Variants in NISCH observed in about 807,000 individuals in gnomAD.
NISCH encodes I-1 receptor candidate protein.
Under a neutral mutation model 138.4 loss-of-function variants are expected in NISCH, and 55 were observed. That is an observed-to-expected ratio of 0.40 (90% CI 0.32 to 0.50). NISCH has a LOEUF of 0.50. Ranked by LOEUF, NISCH falls within the 20% of genes least tolerant of loss-of-function variation. NISCH has a pLI of 0.71. For missense variants in NISCH, 1,643 were observed against 2,005.5 expected (o/e 0.82, Z 3.45); for synonymous variants, 860 against 861.5 (o/e 1.00, Z 0.03).
rs1399642265 is a variant in NISCH, at chr3:52,490,213, T to G, written c.3595T>G (p.Phe1199Val). The change falls in exon 18 of 21, where the codon TTC becomes GTC. Residue 1199 changes from phenylalanine to valine, a missense_variant. By Grantham distance (50) the Phe-to-Val change is conservative. Transcript: ENST00000345716. ...GCTCCACGACGGCCTCCGCCGCTAC[T>G]TCTCAGAGCCACTGCAGGGTAGGCA... Reference protein sequence around the residue: ...FVLHDGLRRYFSEPLQDFWHQ... With the variant: ...FVLHDGLRRYVSEPLQDFWHQ... 1.9e-6 allele frequency: 3 copies of G among 1,612,840 alleles called. No individual in the cohort carries two copies. Among genetic ancestry groups the G allele is most frequent in the Non-Finnish European group, 2.5e-6 (3 of 1,180,008 alleles).
chr3:52,477,850 A>G (rs1299383668), intron 9 of NISCH: 1 of 624,678 alleles, frequency 1.6e-6, no homozygotes, highest in Non-Finnish European at 2.8e-6. Flanking sequence ...ACCAGGCATG[A>G]TGATGCACCT....
chr3:52,460,070 A>G (rs1025141012), intron 3 of NISCH, among the ~76,000 whole-genome samples: 1 of 147,108 alleles, frequency 6.8e-6, no homozygotes, highest in African/African-American at 2.5e-5. Flanking sequence ...AATCCCAGCT[A>G]TTTGGGAGGC....
In NISCH at chr3:52,458,681, T is replaced by C. The variant is rs772328529; in HGVS notation, c.197T>C (p.Ile66Thr). ...TTACAGCTCGTTGCAGAGAGAAAGA[T>C]TGATAAAAATCTGCTTCCGCCCAAA... Reference protein sequence around the residue: ...LHEKLVAERKIDKNLLPPKKI... With the variant: ...LHEKLVAERKTDKNLLPPKKI... Residue 66 changes from isoleucine to threonine, a missense_variant, in exon 3 of 21, where the codon ATT becomes ACT. Ile to Thr is a moderately conservative substitution (Grantham distance 89). Transcript: ENST00000345716. 2 of 1,612,886 alleles carry C rather than the reference T, an allele frequency of 1.2e-6. No homozygotes were observed.
At chr3:52,490,673 C>T (rs753679618) in intron 18 of NISCH, 32 bp from the exon 19 acceptor site, 15 of 1,613,632 alleles carry the variant, frequency 9.3e-6, no homozygotes, top group Middle Eastern at 1.6e-4. Context: ...TGCCTGCCAC[C>T]GCCTCCCTCT....
At chr3:52,463,613 T>G (rs533051306) in intron 3 of NISCH, among the ~76,000 whole-genome samples, 2 of 152,260 alleles carry the variant, frequency 1.3e-5, no homozygotes, top group East Asian at 3.9e-4. Flanking sequence ...TAACACTTCT[T>G]GTCCATTTTT....
At chr3:52,462,631 A>T (rs1337172499) in intron 3 of NISCH, among the ~76,000 whole-genome samples, 1 of 151,864 alleles carries the variant, frequency 6.6e-6, no homozygotes, top group African/African-American at 2.4e-5. Context: ...CTATGGTGTG[A>T]ATTTTTTTAT....
intron 13 of NISCH, 97 bp downstream of exon 13, chr3:52,480,392 T>A: frequency 2.6e-6 from 4 of 1,561,850 alleles, no homozygotes; most frequent in Non-Finnish European, 3.5e-6. Context: ...AGCACCTGCT[T>A]CCAACAGGGT....
chr3:52,469,460 C>T (rs1035935058), intron 3 of NISCH, among the ~76,000 whole-genome samples: 9 of 152,284 alleles, frequency 5.9e-5, no homozygotes, highest in African/African-American at 1.9e-4. Context: ...ATTTGTGAAA[C>T]GGAGCTCAAG....
chr3:52,472,472 C>T lies in NISCH; in HGVS notation c.669+74C>T, dbSNP rs947987302. On this transcript the variant is annotated intron_variant, in intron 6 of 20. Coordinates refer to ENST00000345716, the MANE Select transcript of NISCH (RefSeq NM_007184.4). ...AGAGAGTGTTTGTGATGTTGGGTGTCCTAATTTAATCATAAGGTGCTGTGC... is the reference window on the plus strand; with the variant it reads ...AGAGAGTGTTTGTGATGTTGGGTGTTCTAATTTAATCATAAGGTGCTGTGC... 7.4e-6 allele frequency: 10 copies of T among 1,350,478 alleles called. No individual in the cohort carries two copies. In the Middle Eastern group the frequency reaches 1.9e-3, roughly 259 times the overall value. The allele number at this position is 1,350,478 out of a possible 1,614,324, so 83.7% of individuals were successfully genotyped here. A position where few individuals can be genotyped will look rare whatever the true frequency, so the allele number is the denominator to read the frequency against.
intron 11 of NISCH, 71 bp from the exon 12 acceptor site, chr3:52,479,678 G>A (rs1707211111): frequency 1.9e-6 from 2 of 1,080,142 alleles, no homozygotes; most frequent in Non-Finnish European, 2.7e-6. Context: ...CATGCTGATA[G>A]CCATCACCAG....
chr3:52,466,675 C>G (rs372783469), intron 3 of NISCH, among the ~76,000 whole-genome samples: 1 of 152,080 alleles, frequency 6.6e-6, no homozygotes, highest in East Asian at 1.9e-4. Context: ...GGTTAGTGCC[C>G]CACAGATAAG....
chr3:52,478,695 C>A, intron 11 of NISCH, 118 bp downstream of exon 11: 1 of 972,192 alleles, frequency 1.0e-6, no homozygotes, highest in Non-Finnish European at 1.6e-6. Context: ...AGAAAGAGGT[C>A]CTGTCCCTTA....
At chr3:52,457,997 C>T (rs1474491589) in intron 2 of NISCH, 71 bp downstream of exon 2, 3 of 1,216,688 alleles carry the variant, frequency 2.5e-6, no homozygotes, top group Non-Finnish European at 3.6e-6. Flanking sequence ...CATTGTGCCA[C>T]ATATTAGTTT....
At chr3:52,489,782 G>A (rs912996095) in intron 17 of NISCH, 104 bp downstream of exon 17, 63 of 1,503,320 alleles carry the variant, frequency 4.2e-5, no homozygotes, top group South Asian at 1.0e-4. Context: ...CCCTGATGTC[G>A]GAGTCCTCAG....
rs1459198582 is a variant in NISCH, at chr3:52,480,198, C to G, written c.1431C>G (p.Ser477=). 6.2e-7 allele frequency: 1 copy of G among 1,613,942 alleles called. No homozygotes were observed. Among genetic ancestry groups the G allele is most frequent in the South Asian group, 1.1e-5 (1 of 91,084 alleles). Residue 477 remains serine, a synonymous_variant, in exon 13 of 21, where the codon TCC becomes TCG. Transcript: ENST00000345716. ...SNPEKKGGED[S]RLSAAPCIRP... is the part of the protein sequence containing the mutation. ...CTCGTCCTCAGGGTGGTGAAGACTC[C>G]CGGCTCTCAGCTGCCCCCTGCATCA...
intron 13 of NISCH, chr3:52,481,334 CA>C (rs762582821): frequency 1.9e-5 from 19 of 1,000,548 alleles, no homozygotes; most frequent in Non-Finnish European, 2.1e-5. Context: ...CAACGCAGAG[CA>C]GCACACTGAG....
chr3:52,466,384 T>A (rs1706779863), intron 3 of NISCH, among the ~76,000 whole-genome samples: 1 of 151,966 alleles, frequency 6.6e-6, no homozygotes, highest in Non-Finnish European at 1.5e-5. Flanking sequence ...GCCAACATGG[T>A]GAAACCCCTT....
chr3:52,490,868 T>C (rs1198185379), intron 19 of NISCH, 35 bp downstream of exon 19: 2 of 1,612,060 alleles, frequency 1.2e-6, no homozygotes, highest in African/African-American at 2.7e-5. Context: ...CTATTTCGGG[T>C]GAAGGCCAGC....
At position 52,487,322 on chromosome 3, in the gene NISCH, C is replaced by G; in HGVS notation, c.1830C>G (p.Ile610Met). 1 of 1,614,160 alleles carries G rather than the reference C, an allele frequency of 6.2e-7. No individual in the cohort carries two copies. Among genetic ancestry groups the G allele is most frequent in the South Asian group, 1.1e-5 (1 of 91,088 alleles). The stretch of plus-strand genomic sequence containing the variant: ...TCATCCAGCGCCTGAGCACACTGAT[C>G]CGGCAGGCCATCGAGCGGCAGCTGC... ...QDFIQRLSTL[I>M]RQAIERQLPA... The change falls in exon 16 of 21, where the codon ATC becomes ATG. Residue 610 changes from isoleucine (I) to methionine (M), a missense_variant. By Grantham distance (10) the Ile-to-Met change is conservative. Transcript: ENST00000345716. The surrounding 1 kb of genome is among the most constrained non-coding windows in gnomAD (Gnocchi z 9.1).
Sources: allele counts gnomAD v4.1 joint callset (sites outside exome capture counted in the v4.1 genomes callset), GRCh38; gene constraint gnomAD v4.1.1; non-coding constraint Gnocchi (gnomAD v3.1); transcripts MANE v1.5; gene names NCBI Gene and HGNC (gene_info 2026-07-23, HGNC 2026-07-21).